Variants in GLI2 observed in about 807,000 individuals in gnomAD.
GLI2 encodes the protein GLI family zinc finger 2.
A neutral mutation model predicts 78.9 loss-of-function variants in GLI2; 22 were observed. The observed-to-expected ratio is 0.28, with a 90% CI of 0.20 to 0.40. The LOEUF is 0.40. Ranked by LOEUF, GLI2 falls within the 10% of genes least tolerant of loss-of-function variation. GLI2 has a pLI of 1.00. For missense variants in GLI2, 2,097 were observed against 2,213.2 expected (o/e 0.95, Z 1.05); for synonymous variants, 974 against 963.7 (o/e 1.01, Z -0.20).
chr2:120,758,055 T>C (rs1185466642), intron 1 of GLI2, among the ~76,000 whole-genome samples: 1 of 152,204 alleles, frequency 6.6e-6, no homozygotes, highest in Non-Finnish European at 1.5e-5. Flanking sequence ...AGGATAGTCC[T>C]CACCCTGATG....
chr2:120,890,466 T>C (rs1677625815), intron 2 of GLI2, among the ~76,000 whole-genome samples: 1 of 151,876 alleles, frequency 6.6e-6, no homozygotes, highest in African/African-American at 2.4e-5. Flanking sequence ...TATATACACA[T>C]AAAACTAAAT....
chr2:120,744,775 A>G (rs1158250356), intron 1 of GLI2, among the ~76,000 whole-genome samples: 2 of 152,198 alleles, frequency 1.3e-5, no homozygotes, highest in Non-Finnish European at 2.9e-5. Context: ...GGTGGGGTTC[A>G]TGGGCCTCCT....
Position 120,737,607 on chromosome 2 carries a change from T to C in GLI2, c.-31+1322T>C, listed in dbSNP as rs1458862001. On this transcript the variant is annotated intron_variant, in intron 1 of 13. Transcript: ENST00000361492. The surrounding 1 kb of genome is among the most constrained non-coding windows in gnomAD (Gnocchi z 4.3). ...CGACCTCTGGCACGGGCTTTGCAGC[T>C]CGGTGGCCGCAGCGGTGTCCCGGGC... Among the ~76,000 whole-genome samples the C allele has an allele frequency of 6.6e-6, 1 of 152,116 alleles. No individual in the cohort carries two copies. The highest frequency in any genetic ancestry group is 1.5e-5 in the Non-Finnish European group (1 of 68,020).
At chr2:120,879,261 A>G (rs1385272510) in intron 2 of GLI2, among the ~76,000 whole-genome samples, 2 of 152,016 alleles carry the variant, frequency 1.3e-5, no homozygotes, top group African/African-American at 4.8e-5. Context: ...ACAATGGGTG[A>G]GATGAAAAAG....
At chr2:120,873,785 G>A (rs568440832) in intron 2 of GLI2, among the ~76,000 whole-genome samples, 9 of 152,300 alleles carry the variant, frequency 5.9e-5, no homozygotes, top group African/African-American at 2.2e-4. Flanking sequence ...TGTCCACAGA[G>A]CATCTGAGCT....
chr2:120,966,822 C>T (rs1681880859), intron 5 of GLI2, among the ~76,000 whole-genome samples: 1 of 152,234 alleles, frequency 6.6e-6, no homozygotes, highest in Non-Finnish European at 1.5e-5. Context: ...AGGCCATCAC[C>T]CCCTGCCCTC....
At chr2:120,871,357 A>T (rs1203989011) in intron 2 of GLI2, among the ~76,000 whole-genome samples, 1 of 152,208 alleles carries the variant, frequency 6.6e-6, no homozygotes, top group Non-Finnish European at 1.5e-5. Flanking sequence ...CTCAGTGAGG[A>T]TGCACGGGAG....
intron 2 of GLI2, among the ~76,000 whole-genome samples, chr2:120,879,698 G>A (rs1677018756): frequency 6.6e-6 from 1 of 152,180 alleles, no homozygotes; most frequent in Non-Finnish European, 1.5e-5. Flanking sequence ...CTTAACGGCT[G>A]GGCTGTCACC....
intron 2 of GLI2, among the ~76,000 whole-genome samples, chr2:120,823,145 C>T (rs1470730417): frequency 6.6e-6 from 1 of 152,202 alleles, no homozygotes; most frequent in Non-Finnish European, 1.5e-5. Context: ...GGCCGCACAC[C>T]GTCTTTGGTA....
At chr2:120,776,774 C>T (rs901525908) in intron 1 of GLI2, among the ~76,000 whole-genome samples, 4 of 152,178 alleles carry the variant, frequency 2.6e-5, no homozygotes, top group African/African-American at 7.2e-5. Context: ...GCATCCTAGC[C>T]GGCGTTCTCC....
chr2:120,847,133 A>T (rs28451033), intron 2 of GLI2, among the ~76,000 whole-genome samples: 8,019 of 151,792 alleles, frequency 0.053, 250 homozygotes, highest in East Asian at 0.091. Flanking sequence ...TTTGCCTGGG[A>T]CTTAGGGAAT....
At chr2:120,818,286 T>C (rs1263674425) in intron 2 of GLI2, among the ~76,000 whole-genome samples, 2 of 152,308 alleles carry the variant, frequency 1.3e-5, no homozygotes, top group East Asian at 3.9e-4. Flanking sequence ...CATTTAGGGC[T>C]CTTGTTTGCC....
intron 1 of GLI2, among the ~76,000 whole-genome samples, chr2:120,795,953 A>T (rs761254821): frequency 6.6e-6 from 1 of 152,184 alleles, no homozygotes; most frequent in Non-Finnish European, 1.5e-5. Context: ...GGATTGCAGG[A>T]GAATCACTTG....
chr2:120,738,391 A>G (rs1682433577), intron 1 of GLI2, among the ~76,000 whole-genome samples: 1 of 152,212 alleles, frequency 6.6e-6, no homozygotes, highest in Non-Finnish European at 1.5e-5. Flanking sequence ...GCCCAGCCAT[A>G]TGGAAAGTTG....
rs1687575838 is a variant in GLI2 at position 120,854,930 on chromosome 2, G to C, written c.148+57462G>C. 2.0e-5 allele frequency among the ~76,000 whole-genome samples: 3 copies of C among 152,344 alleles called. No individual in the cohort carries two copies. The South Asian group carries it at 6.2e-4, about 32-fold the overall frequency. ...AGCCTCTGGTTCAGCCCAGGGCTGGGCACTCTGGCCTGTCCAGGGCCAGCA... is the reference window on the plus strand; with the variant it reads ...AGCCTCTGGTTCAGCCCAGGGCTGGCCACTCTGGCCTGTCCAGGGCCAGCA... On this transcript the variant is annotated intron_variant, in intron 2 of 13. Transcript: ENST00000361492.
intron 3 of GLI2, among the ~76,000 whole-genome samples, chr2:120,950,974 C>T (rs1016134733): frequency 2.6e-5 from 4 of 152,240 alleles, no homozygotes; most frequent in Admixed American, 6.5e-5. Flanking sequence ...AGTCCAGTCG[C>T]GGGTGCGAGG....
At chr2:120,762,667 G>T (rs1432514449) in intron 1 of GLI2, among the ~76,000 whole-genome samples, 3 of 152,120 alleles carry the variant, frequency 2.0e-5, no homozygotes, top group Non-Finnish European at 4.4e-5. Flanking sequence ...AGCGTCGAGG[G>T]CCTGCAGCTA....
At chr2:120,826,687 C>T (rs1476887813) in intron 2 of GLI2, among the ~76,000 whole-genome samples, 1 of 152,224 alleles carries the variant, frequency 6.6e-6, no homozygotes, top group African/African-American at 2.4e-5. Context: ...CTGCGTCACA[C>T]AGGTTGGGGA....
intron 2 of GLI2, among the ~76,000 whole-genome samples, chr2:120,801,698 G>T (rs1000807520): frequency 3.9e-5 from 6 of 152,202 alleles, no homozygotes; most frequent in East Asian, 1.9e-4. Flanking sequence ...GGACATGAAG[G>T]GGGTGGGAGG....
Sources: gnomAD v4.1 joint callset for allele counts (sites outside exome capture counted in the v4.1 genomes callset) on GRCh38, gnomAD v4.1.1 for gene constraint, Gnocchi (gnomAD v3.1) non-coding constraint, MANE v1.5 for transcripts, NCBI Gene and HGNC (gene_info 2026-07-23, HGNC 2026-07-21) for gene names.